Variants in LARP1 observed in about 807,000 individuals in gnomAD.
The protein encoded by LARP1 is la-related protein 1.
Under a neutral mutation model 122.7 loss-of-function variants are expected in LARP1, and 36 were observed. The observed-to-expected ratio is 0.29, with a 90% CI of 0.22 to 0.39. The LOEUF (loss-of-function observed/expected upper bound fraction) is 0.39, where lower values mean the gene tolerates loss of function less well. Among genes scored for constraint, LARP1 ranks in the 10% least tolerant of loss-of-function variants. The pLI, the probability that LARP1 is intolerant of heterozygous loss-of-function variation, is 1.00. For synonymous variants in LARP1, 539 were observed against 528.7 expected, an observed-to-expected ratio of 1.02 and a Z score of -0.27; for missense variants, 1,040 against 1,403.6, an observed-to-expected ratio of 0.74 and a Z score of 4.14.
At chr5:154,716,368 G>T (rs747651153) in intron 1 of LARP1, among the ~76,000 whole-genome samples, 1 of 152,064 alleles carries the variant, frequency 6.6e-6, no homozygotes, top group South Asian at 2.1e-4. Context: ...TGATCTGCCC[G>T]CCTCAGCCTC....
chr5:154,746,644 C>G (rs538434794), intron 1 of LARP1, among the ~76,000 whole-genome samples: 13 of 152,302 alleles, frequency 8.5e-5, no homozygotes, highest in African/African-American at 3.1e-4. Flanking sequence ...CAACCAAAGA[C>G]AATCATGTCT....
intron 13 of LARP1, 30 bp from the exon 14 acceptor site, chr5:154,804,171 C>T: frequency 6.5e-7 from 1 of 1,548,644 alleles, no homozygotes; most frequent in Non-Finnish European, 8.9e-7. Flanking sequence ...GGAGTACAAA[C>T]AGTAACAAAC....
chr5:154,799,565 C>A, intron 8 of LARP1, 26 bp from the exon 9 acceptor site: 1 of 1,610,234 alleles, frequency 6.2e-7, no homozygotes, highest in East Asian at 2.2e-5. Flanking sequence ...TCTTCTTAAT[C>A]CCCTCTTCCT....
At chr5:154,767,541 A>C (rs951113526) in intron 1 of LARP1, among the ~76,000 whole-genome samples, 1 of 152,156 alleles carries the variant, frequency 6.6e-6, no homozygotes, top group African/African-American at 2.4e-5. Flanking sequence ...AGTGGAATTT[A>C]AGGACTCACT....
chr5:154,732,318 A>G (rs1382840592), intron 1 of LARP1, among the ~76,000 whole-genome samples: 1 of 152,146 alleles, frequency 6.6e-6, no homozygotes, highest in Admixed American at 6.5e-5. Context: ...TGGCCTTTGT[A>G]TTACCAGCTC....
At chr5:154,732,310 G>C (rs1475524404) in intron 1 of LARP1, among the ~76,000 whole-genome samples, 1 of 152,024 alleles carries the variant, frequency 6.6e-6, no homozygotes, top group African/African-American at 2.4e-5. Context: ...TGGTAACGTG[G>C]CCTTTGTATT....
chr5:154,711,461 A>G (rs577984639), upstream of LARP1, among the ~76,000 whole-genome samples: 5 of 152,286 alleles, frequency 3.3e-5, no homozygotes, highest in African/African-American at 1.2e-4. Context: ...TCTTAAAATC[A>G]TAGTTCCTGC....
At chr5:154,796,121 TTATA>T (rs1313936487) in intron 8 of LARP1, among the ~76,000 whole-genome samples, 1 of 104,246 alleles carries the variant, frequency 9.6e-6, no homozygotes, top group Non-Finnish European at 1.8e-5. Flanking sequence ...AGTATATATA[TTATA>T]TATATTTTAT....
At chr5:154,771,256 G>A (rs1426645449) in intron 1 of LARP1, among the ~76,000 whole-genome samples, 1 of 152,130 alleles carries the variant, frequency 6.6e-6, no homozygotes, top group Non-Finnish European at 1.5e-5. Flanking sequence ...GAGGACAGAT[G>A]CCCCAGGAAC....
At chr5:154,805,662 T>C in intron 14 of LARP1, 1 of 507,190 alleles carries the variant, frequency 2.0e-6, no homozygotes. Flanking sequence ...AGTCTCCTAA[T>C]CTCTGTAAGC....
rs552042337 is a variant in LARP1, at chr5:154,756,960, G to T, written c.436+767G>T. On this transcript the variant is annotated intron_variant, in intron 1 of 18. Coordinates refer to ENST00000518297, the MANE Select transcript of LARP1 (RefSeq NM_033551.3). ...GCGACTTGAGGGGCGTGTGGCGGCG[G>T]GGGAGGGAGTGGCCGGCCTGGGCGG... 7.3e-5 allele frequency among the ~76,000 whole-genome samples: 11 copies of T among 150,928 alleles called. No homozygotes were observed. In the East Asian group the frequency reaches 2.0e-3, roughly 27 times the overall value.
intron 1 of LARP1, among the ~76,000 whole-genome samples, chr5:154,768,360 T>C (rs989137830): frequency 6.6e-6 from 1 of 152,186 alleles, no homozygotes; most frequent in Non-Finnish European, 1.5e-5. Context: ...CAAGACACAT[T>C]GCGGCCATGG....
At chr5:154,768,556 C>T (rs141319464) in intron 1 of LARP1, among the ~76,000 whole-genome samples, 3,562 of 151,892 alleles carry the variant, frequency 0.023, 64 homozygotes, top group Middle Eastern at 0.037. Flanking sequence ...AATTATGTAC[C>T]CTATTTTTTA....
chr5:154,733,627 A>G (rs1211438761), intron 1 of LARP1, among the ~76,000 whole-genome samples: 1 of 150,404 alleles, frequency 6.6e-6, no homozygotes, highest in Non-Finnish European at 1.5e-5. Context: ...CAGTGGTGCC[A>G]TCTTGGCTTA....
At chr5:154,695,643 C>T (rs1369487515) in intron 1 of LARP1, among the ~76,000 whole-genome samples, 1 of 151,904 alleles carries the variant, frequency 6.6e-6, no homozygotes, top group Non-Finnish European at 1.5e-5. Flanking sequence ...GAAGACAGAG[C>T]AAGGCTCCGT....
intron 1 of LARP1, among the ~76,000 whole-genome samples, chr5:154,737,477 C>T (rs1236521299): frequency 2.5e-4 from 25 of 98,154 alleles, no homozygotes; most frequent in Admixed American, 2.2e-3. Flanking sequence ...AGTCTTGCTT[C>T]GTCACCCAGG....
Position 154,811,615 on chromosome 5 carries a change from G to A in LARP1, c.3056G>A (p.Arg1019Gln), listed in dbSNP as rs770314875. Residue 1019 changes from arginine (R) to glutamine (Q), a missense_variant, in exon 18 of 19, where the codon CGA (arginine) becomes CAA (glutamine). By Grantham distance (43) the Arg-to-Gln change is conservative. Coordinates refer to ENST00000518297, the MANE Select transcript of LARP1 (RefSeq NM_033551.3). ...PKLQEYLGKF[R>Q]RLEDFRVDPP... ...CTGCAAGAATACCTCGGCAAATTCC[G>A]ACGTCTTGAAGACTTCCGAGTAGAT... is the stretch of plus-strand genomic sequence containing the variant. 1.4e-5 allele frequency: 22 copies of A among 1,614,020 alleles called. No homozygotes were observed. Among genetic ancestry groups the A allele is most frequent in the Middle Eastern group, 1.6e-4 (1 of 6,084 alleles).
intron 1 of LARP1, among the ~76,000 whole-genome samples, chr5:154,747,735 A>G (rs1201595584): frequency 6.7e-6 from 1 of 149,088 alleles, no homozygotes; most frequent in South Asian, 2.1e-4. Flanking sequence ...ATGGTTACGC[A>G]TGCCTGTAAT....
chr5:154,730,719 G>C (rs1756507537), intron 1 of LARP1, among the ~76,000 whole-genome samples: 1 of 151,654 alleles, frequency 6.6e-6, no homozygotes, highest in African/African-American at 2.4e-5. Context: ...TGATCTGCCT[G>C]CCTCGGCCTC....
Sources: gnomAD v4.1 joint callset for allele counts (sites outside exome capture counted in the v4.1 genomes callset) on GRCh38, gnomAD v4.1.1 for gene constraint, MANE v1.5 for transcripts, NCBI Gene and HGNC (gene_info 2026-07-23, HGNC 2026-07-21) for gene names.